TRMT2B: variants seen among roughly 807,000 people sequenced by gnomAD.
TRMT2B encodes tRNA methyltransferase 2B, also known as tRNA (uracil-5-)-methyltransferase homolog B.
A neutral mutation model predicts 39.7 loss-of-function variants in TRMT2B; 34 were observed. That is an observed-to-expected ratio of 0.86 (90% CI 0.65 to 1.14). The LOEUF (loss-of-function observed/expected upper bound fraction) is 1.14. TRMT2B is among the 50% of genes most tolerant of loss of function. The probability of loss-of-function intolerance (pLI) is 0.00; values close to 1 mark genes in which losing one functional copy is unlikely to be tolerated. For missense variants in TRMT2B, 318 were observed against 377.2 expected (o/e 0.84, Z 1.30); for synonymous variants, 132 against 137.3 (o/e 0.96, Z 0.27).
chrX:100,991,883 T>G, the TRMT2B span, among the ~76,000 whole-genome samples: 4 of 110,283 alleles, frequency 3.6e-5, no homozygotes, highest in Non-Finnish European at 7.6e-5. Flanking sequence ...AGATAGAGAA[T>G]AGACTGGCAG....
downstream of TRMT2B, among the ~76,000 whole-genome samples, chrX:101,006,079 GGT>G (rs2086099729): frequency 9.2e-6 from 1 of 108,646 alleles, no homozygotes; most frequent in African/African-American, 3.3e-5. Context: ...AAATCAGCCG[GGT>G]GTGGTAGCAC....
chrX:101,036,986 C>G lies in TRMT2B; in HGVS notation c.526G>C (p.Gly176Arg). The change falls in exon 6 of 14, where the codon GGA (glycine) becomes CGA (arginine). Residue 176 changes from glycine (G) to arginine (R), a missense_variant. Transcript: ENST00000372936. ...ACCTTCAACTGACCTCTCCAAGTTC[C>G]CAGGTAGAACCCCACAGTCTTTGGA... ...GNPKTVGFYL[G>R]TWRDGNVVCV... 8.3e-7 allele frequency: 1 copy of G among 1,209,331 alleles called. No individual in the cohort carries two copies. The highest frequency in any genetic ancestry group is 1.1e-6 in the Non-Finnish European group (1 of 893,392).
At chrX:100,999,657 G>T in the TRMT2B span, among the ~76,000 whole-genome samples, 1 of 112,167 alleles carries the variant, frequency 8.9e-6, no homozygotes, top group Admixed American at 9.5e-5. Context: ...TGACTCAGCT[G>T]GTCTGGACAT....
chrX:101,028,907 T>C (rs2087278998), intron 7 of TRMT2B, among the ~76,000 whole-genome samples: 2 of 111,333 alleles, frequency 1.8e-5, no homozygotes, highest in Admixed American at 1.9e-4. Flanking sequence ...TGCTTCACCA[T>C]AGTAAAATGT....
At chrX:100,992,239 G>A in the TRMT2B span, among the ~76,000 whole-genome samples, 11 of 110,875 alleles carry the variant, frequency 9.9e-5, no homozygotes, top group African/African-American at 3.3e-4. Flanking sequence ...ATTCAATCCC[G>A]ATCTTTCTGA....
the TRMT2B span, among the ~76,000 whole-genome samples, chrX:100,991,665 C>T: frequency 1.8e-5 from 2 of 112,122 alleles, no homozygotes; most frequent in Non-Finnish European, 3.8e-5. Context: ...TGAGCCACCG[C>T]GCCCGGCCCA....
intron 2 of TRMT2B, among the ~76,000 whole-genome samples, chrX:101,050,902 C>T (rs1046306198): frequency 3.5e-4 from 36 of 104,196 alleles, no homozygotes; most frequent in African/African-American, 1.3e-3. Context: ...ATTAGCTGGG[C>T]GTGGTGGCAG....
At chrX:100,986,031 A>C in the TRMT2B span, 1 of 905,786 alleles carries the variant, frequency 1.1e-6, no homozygotes, top group Non-Finnish European at 1.5e-6. Context: ...CTGTTCCCTT[A>C]GGCTCAGTGA....
chrX:101,011,971 A>C (rs1269085411), intron 13 of TRMT2B, among the ~76,000 whole-genome samples: 1 of 111,757 alleles, frequency 8.9e-6, no homozygotes, highest in Non-Finnish European at 1.9e-5. Context: ...TCCTATGATA[A>C]CAATGCCTTC....
chrX:101,004,924 G>T (rs781589778), downstream of TRMT2B, among the ~76,000 whole-genome samples: 14 of 111,660 alleles, frequency 1.3e-4, no homozygotes, highest in Non-Finnish European at 2.3e-4. Context: ...GTTTACCCAG[G>T]ACTGAGGGGT....
intron 4 of TRMT2B, 69 bp downstream of exon 4, chrX:101,041,248 T>C: frequency 1.0e-6 from 1 of 962,671 alleles, no homozygotes; most frequent in South Asian, 2.4e-5. Flanking sequence ...AACTGCCCAA[T>C]CAAGCTTCCT....
chrX:100,988,507 A>T, the TRMT2B span: 1 of 1,169,007 alleles, frequency 8.6e-7, no homozygotes, highest in Non-Finnish European at 1.1e-6. Flanking sequence ...CTACAATTGA[A>T]GGAGTGGCTT....
the TRMT2B span, among the ~76,000 whole-genome samples, chrX:101,003,078 C>CTT: frequency 2.3e-5 from 2 of 88,050 alleles, no homozygotes; most frequent in Admixed American, 1.3e-4. Flanking sequence ...CCATGCCAAG[C>CTT]TTTTTTTTTT....
chrX:100,988,664 G>A, the TRMT2B span: 2 of 630,206 alleles, frequency 3.2e-6, no homozygotes, highest in Non-Finnish European at 4.1e-6. Flanking sequence ...CTCACTCTAT[G>A]GTTGGTGATT....
At chrX:101,006,708 T>C (rs769597143), downstream of TRMT2B, among the ~76,000 whole-genome samples, 1 of 109,423 alleles carries the variant, frequency 9.1e-6, no homozygotes, top group South Asian at 4.1e-4. Context: ...GAGGCTGCGA[T>C]AGGAGGATCC....
chrX:101,045,975 G>A (rs373805953), intron 2 of TRMT2B, among the ~76,000 whole-genome samples: 5 of 106,986 alleles, frequency 4.7e-5, no homozygotes, highest in Admixed American at 2.1e-4. Flanking sequence ...GTGAAACCCC[G>A]CCTCTACTAA....
chrX:100,998,781 G>C, the TRMT2B span, among the ~76,000 whole-genome samples: 106 of 110,875 alleles, frequency 9.6e-4, 1 homozygote, highest in African/African-American at 3.3e-3. Context: ...ATAGAGTCAG[G>C]ATTTAGGCCA....
the TRMT2B span, among the ~76,000 whole-genome samples, chrX:101,003,877 C>G: frequency 9.0e-6 from 1 of 111,620 alleles, no homozygotes; most frequent in Admixed American, 9.6e-5. Context: ...GTCACCCAGG[C>G]TGGAGTGCAG....
chrX:100,991,408 TCTCA>T, the TRMT2B span, among the ~76,000 whole-genome samples: 1 of 111,440 alleles, frequency 9.0e-6, no homozygotes, highest in Non-Finnish European at 1.9e-5. Flanking sequence ...TGAGACAGAG[TCTCA>T]CTGTCTCCCA....
Sources: gnomAD v4.1 joint callset for allele counts (sites outside exome capture counted in the v4.1 genomes callset) on GRCh38, gnomAD v4.1.1 for gene constraint, MANE v1.5 for transcripts, NCBI Gene and HGNC (gene_info 2026-07-23, HGNC 2026-07-21) for gene names.